Variants in RANBP2 observed in about 807,000 individuals in gnomAD.
RANBP2 encodes RAN binding protein 2, also known as E3 SUMO-protein ligase RanBP2.
RANBP2 carries 57 observed loss-of-function variants against 303.6 expected under a neutral mutation model. The ratio of observed to expected loss-of-function variants is 0.19; its 90% CI spans 0.15 to 0.23. RANBP2 has a LOEUF of 0.23. RANBP2 is among the 10% of genes least tolerant of loss of function. RANBP2 has a pLI of 1.00. For synonymous variants in RANBP2, 1,167 were observed against 1,301.5 expected (o/e 0.90, Z 2.23); for missense variants, 3,138 against 3,780.8 (o/e 0.83, Z 4.46).
rs2149339232 is a variant in RANBP2 at position 108,784,956 on chromosome 2, T to A, written c.*1055T>A. Reference sequence around the variant, plus strand: ...GTATTTGGAAATGGCTTGTATCAAATGTTAGGCAAATTGCTAAAGAAAAGA... The same window carrying A: ...GTATTTGGAAATGGCTTGTATCAAAAGTTAGGCAAATTGCTAAAGAAAAGA... On this transcript the variant is annotated 3_prime_UTR_variant, in exon 29 of 29. Coordinates refer to ENST00000283195, the MANE Select transcript of RANBP2 (RefSeq NM_006267.5). 6.6e-6 allele frequency: 1 copy of A among 152,342 alleles called. No homozygotes were observed. Among genetic ancestry groups the A allele is most frequent in the East Asian group, 1.9e-4 (1 of 5,190 alleles). 9.4% of individuals were successfully genotyped at this position (152,342 alleles called of 1,614,324 possible). A position where few individuals can be genotyped will look rare whatever the true frequency, so the allele number is the denominator to read the frequency against.
At chr2:109,031,919 C>G in the RANBP2 span, among the ~76,000 whole-genome samples, 6 of 148,822 alleles carry the variant, frequency 4.0e-5, no homozygotes, top group African/African-American at 1.2e-4. Context: ...TCCCCTCCCC[C>G]CACATCCGTT....
chr2:108,781,581 T>A, intron 26 of RANBP2, 152 bp downstream of exon 26: 1 of 693,494 alleles, frequency 1.4e-6, no homozygotes, highest in Non-Finnish European at 2.4e-6. Flanking sequence ...AGCCTTTAAG[T>A]ATAAATTATC....
At chr2:109,508,787 C>A in the RANBP2 span, among the ~76,000 whole-genome samples, 1 of 152,082 alleles carries the variant, frequency 6.6e-6, no homozygotes, top group Non-Finnish European at 1.5e-5. Context: ...CAGGGCACCC[C>A]AGATAAGGCA....
At chr2:108,923,408 G>A in the RANBP2 span, 1 of 1,614,214 alleles carries the variant, frequency 6.2e-7, no homozygotes, top group Non-Finnish European at 8.5e-7. Context: ...AGGAGTAGCA[G>A]ACCATGCCAT....
chr2:108,827,057 A>G, the RANBP2 span, among the ~76,000 whole-genome samples: 7 of 152,208 alleles, frequency 4.6e-5, no homozygotes, highest in African/African-American at 1.7e-4. Flanking sequence ...TTACTAATAT[A>G]TGGTTACACA....
the RANBP2 span, among the ~76,000 whole-genome samples, chr2:109,600,372 C>G: frequency 4.6e-5 from 7 of 152,134 alleles, no homozygotes; most frequent in African/African-American, 1.7e-4. Context: ...TGTCTGCTTG[C>G]AGAATTCCAC....
the RANBP2 span, among the ~76,000 whole-genome samples, chr2:109,300,418 G>A: frequency 6.6e-6 from 1 of 152,094 alleles, no homozygotes; most frequent in South Asian, 2.1e-4. Context: ...CACCTCAAGT[G>A]ATCCACCCAC....
the RANBP2 span, chr2:109,564,506 T>C: frequency 2.6e-6 from 4 of 1,551,586 alleles, no homozygotes; most frequent in African/African-American, 2.7e-5. Flanking sequence ...CCCGCAGCTT[T>C]ACAAAGTCAC....
the RANBP2 span, among the ~76,000 whole-genome samples, chr2:109,704,693 A>G: frequency 6.6e-6 from 1 of 151,884 alleles, no homozygotes; most frequent in Non-Finnish European, 1.5e-5. Flanking sequence ...CTACTAAAAA[A>G]TACAAAAATT....
the RANBP2 span, among the ~76,000 whole-genome samples, chr2:109,317,702 G>A: frequency 1.3e-5 from 2 of 152,140 alleles, no homozygotes; most frequent in Non-Finnish European, 1.5e-5. Flanking sequence ...TCTCCACCAC[G>A]GAATCACAGT....
At chr2:109,254,377 C>T in the RANBP2 span, among the ~76,000 whole-genome samples, 7 of 152,220 alleles carry the variant, frequency 4.6e-5, no homozygotes, top group East Asian at 1.4e-3. Context: ...TCAGTTTCCC[C>T]ATCTGTAAAA....
chr2:109,235,804 G>A, the RANBP2 span, among the ~76,000 whole-genome samples: 2 of 152,140 alleles, frequency 1.3e-5, no homozygotes, highest in African/African-American at 2.4e-5. Flanking sequence ...TCATCTTCAC[G>A]TGCACTCGGC....
At chr2:108,830,916 T>C in the RANBP2 span, among the ~76,000 whole-genome samples, 1 of 152,074 alleles carries the variant, frequency 6.6e-6, no homozygotes, top group African/African-American at 2.4e-5. Context: ...GGCTCACGCC[T>C]GTAGTCCCAG....
chr2:109,153,582 C>T, the RANBP2 span, among the ~76,000 whole-genome samples: 7 of 152,166 alleles, frequency 4.6e-5, no homozygotes, highest in Non-Finnish European at 2.9e-5. Context: ...GAGGTGGGCC[C>T]GACAGATGCC....
At chr2:109,208,749 C>G in the RANBP2 span, among the ~76,000 whole-genome samples, 3 of 152,158 alleles carry the variant, frequency 2.0e-5, no homozygotes, top group Non-Finnish European at 4.4e-5. Context: ...ATTTCCTTGT[C>G]AGAGGAAGTG....
chr2:109,725,711 C>T, the RANBP2 span, among the ~76,000 whole-genome samples: 23 of 152,260 alleles, frequency 1.5e-4, no homozygotes, highest in East Asian at 3.5e-3. Flanking sequence ...CTGCAAGTTA[C>T]AAAACTGAGG....
the RANBP2 span, among the ~76,000 whole-genome samples, chr2:109,401,186 C>CA: frequency 6.6e-6 from 1 of 152,244 alleles, no homozygotes; most frequent in South Asian, 2.1e-4. Flanking sequence ...TCACCAATGA[C>CA]AAAGTGTGAT....
chr2:109,279,595 G>A, the RANBP2 span, among the ~76,000 whole-genome samples: 1 of 152,198 alleles, frequency 6.6e-6, no homozygotes, highest in Non-Finnish European at 1.5e-5. Context: ...GGGATTTCAA[G>A]GAAACGGGAT....
At chr2:109,395,611 G>A in the RANBP2 span, among the ~76,000 whole-genome samples, 57 of 152,320 alleles carry the variant, frequency 3.7e-4, no homozygotes, top group African/African-American at 1.3e-3. Context: ...AAGGCATGAG[G>A]GATGCATGCT....
Sources: allele counts gnomAD v4.1 joint callset (sites outside exome capture counted in the v4.1 genomes callset), GRCh38; gene constraint gnomAD v4.1.1; transcripts MANE v1.5; gene names NCBI Gene and HGNC (gene_info 2026-07-23, HGNC 2026-07-21).